NCR2: variants seen among roughly 807,000 people sequenced by gnomAD.
The protein encoded by NCR2 is NK cell activating receptor (NKp44).
NCR2 carries 35 observed loss-of-function variants against 30.7 expected under a neutral mutation model. That is an observed-to-expected ratio of 1.14 (90% CI 0.87 to 1.51). NCR2 has a LOEUF of 1.51. Among genes scored for constraint, NCR2 ranks in the 40% most tolerant of loss-of-function variants. The probability of loss-of-function intolerance (pLI) is 0.00; values close to 1 mark genes in which losing one functional copy is unlikely to be tolerated. For synonymous variants in NCR2, 146 were observed against 134.8 expected (o/e 1.08, Z -0.58); for missense variants, 316 against 328.9 (o/e 0.96, Z 0.30).
intron 2 of NCR2, among the ~76,000 whole-genome samples, chr6:41,337,540 T>G (rs1769064020): frequency 6.6e-6 from 1 of 152,232 alleles, no homozygotes; most frequent in African/African-American, 2.4e-5. Context: ...ATGAGCACTT[T>G]TCTTACTTGG....
At chr6:41,343,231 C>T (rs556983611) in intron 4 of NCR2, among the ~76,000 whole-genome samples, 7 of 152,376 alleles carry the variant, frequency 4.6e-5, no homozygotes, top group South Asian at 4.1e-4. Context: ...CAAAGCCCAG[C>T]GCCTGCAGCA....
At chr6:41,344,830 C>T (rs886496042) in intron 4 of NCR2, among the ~76,000 whole-genome samples, 12 of 152,222 alleles carry the variant, frequency 7.9e-5, no homozygotes, top group Admixed American at 2.0e-4. Context: ...AAGCCCCATG[C>T]GGGCCGCGGG....
At position 41,341,868 on chromosome 6, in the gene NCR2, C is replaced by G; in HGVS notation, c.469C>G (p.Pro157Ala). 1 of 1,613,888 alleles carries G rather than the reference C, an allele frequency of 6.2e-7. No homozygotes were observed. Among genetic ancestry groups the G allele is most frequent in the South Asian group, 1.1e-5 (1 of 91,064 alleles). The change falls in exon 3 of 5, where the codon CCT becomes GCT. Residue 157 changes from proline (P) to alanine (A), a missense_variant. Coordinates refer to ENST00000373089, the MANE Select transcript of NCR2 (RefSeq NM_004828.4). ...ACAGACCCAGACCCAGAGCTGTGTG[C>G]CTCCCACTGCAGGAGCCAGACAAGC... ...SSQTQTQSCVPPTAGARQAPE... is the reference protein window; with the variant it reads ...SSQTQTQSCVAPTAGARQAPE...
chr6:41,344,647 C>T (rs1372587985), intron 4 of NCR2, among the ~76,000 whole-genome samples: 1 of 152,230 alleles, frequency 6.6e-6, no homozygotes, highest in Non-Finnish European at 1.5e-5. Context: ...TGGCAAGCCA[C>T]ATTTTCTCTG....
intron 2 of NCR2, among the ~76,000 whole-genome samples, 177 bp downstream of exon 2, chr6:41,336,605 G>A (rs1030158750): frequency 6.6e-6 from 1 of 152,186 alleles, no homozygotes; most frequent in African/African-American, 2.4e-5. Context: ...CCATCTCACA[G>A]TCTGCATGAC....
intron 1 of NCR2, 63 bp from the exon 2 acceptor site, chr6:41,336,024 G>T: frequency 6.3e-7 from 1 of 1,588,406 alleles, no homozygotes. Context: ...TGTGGCCAGA[G>T]GCCTGCTGTG....
Position 41,341,849 on chromosome 6 carries a change from C to T in NCR2, c.450C>T (p.Thr150=), listed in dbSNP as rs112970219. The stretch of plus-strand genomic sequence containing the variant: ...CCCGCGACCTGGTCTCTTCACAGAC[C>T]CAGACCCAGAGCTGTGTGCCTCCCA... ...WTPRDLVSSQ[T]QTQSCVPPTA... Residue 150 remains threonine, a synonymous_variant, in exon 3 of 5, where the codon ACC becomes ACT. Coordinates refer to ENST00000373089, the MANE Select transcript of NCR2 (RefSeq NM_004828.4). 3 of 1,613,342 alleles carry T rather than the reference C, an allele frequency of 1.9e-6. No homozygotes were observed. In the Admixed American group the frequency reaches 5.0e-5, roughly 27 times the overall value.
chr6:41,339,984 T>C (rs1769129864), intron 2 of NCR2, among the ~76,000 whole-genome samples: 1 of 152,232 alleles, frequency 6.6e-6, no homozygotes. Flanking sequence ...ATTAGAATGC[T>C]AATTAGGTAA....
chr6:41,338,678 G>T (rs1012562564), intron 2 of NCR2, among the ~76,000 whole-genome samples: 1 of 152,178 alleles, frequency 6.6e-6, no homozygotes, highest in African/African-American at 2.4e-5. Flanking sequence ...AGCTATGTTA[G>T]CAATATTTGT....
chr6:41,346,367 C>G (rs908228189), intron 4 of NCR2, among the ~76,000 whole-genome samples: 1 of 152,082 alleles, frequency 6.6e-6, no homozygotes, highest in Admixed American at 6.5e-5. Flanking sequence ...CCCACCACCC[C>G]CTACCTCAGT....
chr6:41,339,037 C>T (rs777092532), intron 2 of NCR2, among the ~76,000 whole-genome samples: 1 of 152,050 alleles, frequency 6.6e-6, no homozygotes, highest in Non-Finnish European at 1.5e-5. Context: ...TGTGTTTTTC[C>T]GTTTTATATG....
chr6:41,347,663 T>C (rs1219804304), intron 4 of NCR2, among the ~76,000 whole-genome samples: 1 of 152,244 alleles, frequency 6.6e-6, no homozygotes, highest in Non-Finnish European at 1.5e-5. Flanking sequence ...TGTTGCATAA[T>C]AAATTAGCCC....
At position 41,336,393 on chromosome 6, in the gene NCR2, C is replaced by T. The variant is rs777938129; in HGVS notation, c.359C>T (p.Ser120Phe). ...TACCGCCCTTCTGACAACTCTGTCT[C>T]TAAGTCCGTCAGATTCTATCTGGTG... Reference protein sequence around the residue: ...RIYRPSDNSVSKSVRFYLVVS... With the variant: ...RIYRPSDNSVFKSVRFYLVVS... Residue 120 changes from serine (S) to phenylalanine (F), a missense_variant, in exon 2 of 5, where the codon TCT becomes TTT. Ser to Phe is a radical substitution (Grantham distance 155). Transcript: ENST00000373089. 2 of 1,613,866 alleles carry T rather than the reference C, an allele frequency of 1.2e-6. No homozygotes were observed.
intron 4 of NCR2, among the ~76,000 whole-genome samples, chr6:41,344,562 C>T (rs891642942): frequency 3.3e-5 from 5 of 152,182 alleles, no homozygotes; most frequent in African/African-American, 7.2e-5. Context: ...TCAATGTACA[C>T]GATCACATTT....
At chr6:41,350,622 T>C in intron 4 of NCR2, 56 bp from the exon 5 acceptor site, 3 of 1,478,702 alleles carry the variant, frequency 2.0e-6, no homozygotes, top group Non-Finnish European at 2.8e-6. Context: ...TCTGCACCTA[T>C]GTGCAATTAT....
Position 41,336,118 on chromosome 6 carries a change from T to C in NCR2, c.84T>C (p.Leu28=), listed in dbSNP as rs746177075. 3 of 1,613,986 alleles carry C rather than the reference T, an allele frequency of 1.9e-6. No individual in the cohort carries two copies. The South Asian group carries it at 3.3e-5, about 18-fold the overall frequency. Residue 28 remains leucine, a synonymous_variant, in exon 2 of 5, where the codon CTT becomes CTC. Coordinates refer to ENST00000373089, the MANE Select transcript of NCR2 (RefSeq NM_004828.4). ...GSQAQSKAQV[L]QSVAGQTLTV... Reference sequence around the variant, plus strand: ...AGGCACAATCCAAGGCTCAGGTACTTCAAAGTGTGGCAGGGCAGACGCTAA... The same window carrying C: ...AGGCACAATCCAAGGCTCAGGTACTCCAAAGTGTGGCAGGGCAGACGCTAA...
intron 2 of NCR2, among the ~76,000 whole-genome samples, chr6:41,340,112 G>A (rs547151940): frequency 4.6e-4 from 70 of 150,744 alleles, no homozygotes; most frequent in Non-Finnish European, 7.5e-4. Flanking sequence ...TACATCTTTC[G>A]AGATGTTTAT....
intron 4 of NCR2, 111 bp from the exon 5 acceptor site, chr6:41,350,567 T>C: frequency 1.1e-6 from 1 of 880,252 alleles, no homozygotes; most frequent in Non-Finnish European, 1.8e-6. Flanking sequence ...GTGAGGTGGG[T>C]ATGGCAACCA....
chr6:41,350,560 A>T, intron 4 of NCR2, 118 bp from the exon 5 acceptor site: 1 of 795,006 alleles, frequency 1.3e-6, no homozygotes, highest in Non-Finnish European at 2.1e-6. Flanking sequence ...CATCCTTGTG[A>T]GGTGGGTATG....
Sources: gnomAD v4.1 joint callset for allele counts (sites outside exome capture counted in the v4.1 genomes callset) on GRCh38, gnomAD v4.1.1 for gene constraint, MANE v1.5 for transcripts, NCBI Gene and HGNC (gene_info 2026-07-23, HGNC 2026-07-21) for gene names.